NAV2: variants seen among roughly 807,000 people sequenced by gnomAD.
NAV2 encodes neuron navigator 2.
In NAV2, 54 loss-of-function variants were observed where a neutral mutation model predicts 223.2. The observed-to-expected ratio is 0.24, with a 90% CI of 0.19 to 0.30. The LOEUF (loss-of-function observed/expected upper bound fraction) is 0.30, where lower values mean the gene tolerates loss of function less well. Ranked by LOEUF, NAV2 falls within the 10% of genes least tolerant of loss-of-function variation. The pLI is 1.00. For missense variants in NAV2, 2,806 were observed against 3,147.5 expected (o/e 0.89, Z 2.60); for synonymous variants, 1,279 against 1,239.3 (o/e 1.03, Z -0.67).
chr11:19,798,325 CAG>C (rs1199203315), intron 1 of NAV2, among the ~76,000 whole-genome samples: 1 of 152,206 alleles, frequency 6.6e-6, no homozygotes. Context: ...TCTGCCAGTG[CAG>C]AGAGCTTGAA....
At chr11:19,479,984 A>T (rs2042231207) in intron 1 of NAV2, among the ~76,000 whole-genome samples, 1 of 152,172 alleles carries the variant, frequency 6.6e-6, no homozygotes, top group African/African-American at 2.4e-5. Flanking sequence ...AATTGGGGGG[A>T]AAACATAGTC....
chr11:20,084,059 A>G (rs1158694829), intron 26 of NAV2, among the ~76,000 whole-genome samples: 1 of 152,160 alleles, frequency 6.6e-6, no homozygotes, highest in Non-Finnish European at 1.5e-5. Flanking sequence ...GGAAGAGAGG[A>G]AACAGAGGAT....
intron 10 of NAV2, among the ~76,000 whole-genome samples, chr11:19,978,192 C>T (rs536467270): frequency 2.0e-5 from 3 of 151,864 alleles, no homozygotes; most frequent in South Asian, 2.1e-4. Context: ...CATCCTCCTA[C>T]GACCCGGAGT....
intron 22 of NAV2, 68 bp from the exon 23 acceptor site, chr11:20,077,476 TCTTTAAGA>T: frequency 8.6e-7 from 1 of 1,163,786 alleles, no homozygotes; most frequent in African/African-American, 1.5e-5. Flanking sequence ...AGGATTTTCA[TCTTTAAGA>T]GCCAGACACC....
intron 31 of NAV2, among the ~76,000 whole-genome samples, chr11:20,098,169 G>T (rs184231850): frequency 1.3e-5 from 2 of 152,206 alleles, no homozygotes; most frequent in Non-Finnish European, 2.9e-5. Flanking sequence ...TTGTGCCCAC[G>T]CATGATGCTG....
chr11:19,910,183 G>A (rs1440282392), intron 6 of NAV2, among the ~76,000 whole-genome samples: 2 of 152,140 alleles, frequency 1.3e-5, no homozygotes, highest in Non-Finnish European at 2.9e-5. Flanking sequence ...TGCAGCTAAG[G>A]GCCAGTGTTG....
At chr11:19,420,660 C>T (rs545072521) in intron 1 of NAV2, among the ~76,000 whole-genome samples, 4 of 152,150 alleles carry the variant, frequency 2.6e-5, no homozygotes, top group African/African-American at 7.2e-5. Context: ...TCCATACGTA[C>T]GATTTCACTT....
chr11:19,700,106 G>C, intron 1 of NAV2, among the ~76,000 whole-genome samples: 1 of 152,196 alleles, frequency 6.6e-6, no homozygotes, highest in East Asian at 1.9e-4. Flanking sequence ...ACTGTGGCTT[G>C]AATACTTAAT....
At chr11:19,984,019 C>G (rs2050538081) in intron 10 of NAV2, 106 bp from the exon 11 acceptor site, 2 of 1,446,568 alleles carry the variant, frequency 1.4e-6, no homozygotes, top group African/African-American at 2.8e-5. Flanking sequence ...TCCGTTTCTT[C>G]CCCCTTAGAG....
At chr11:19,866,058 A>G (rs888592674) in intron 3 of NAV2, among the ~76,000 whole-genome samples, 2 of 152,250 alleles carry the variant, frequency 1.3e-5, no homozygotes, top group Non-Finnish European at 2.9e-5. Context: ...CACTTTCTGT[A>G]TCACGTAATA....
At chr11:19,918,130 T>G (rs1192260848) in intron 6 of NAV2, among the ~76,000 whole-genome samples, 1 of 152,260 alleles carries the variant, frequency 6.6e-6, no homozygotes, top group African/African-American at 2.4e-5. Context: ...TCAAGCCCAG[T>G]GCACCTCAGT....
At chr11:20,009,775 TC>T (rs1472156660) in intron 11 of NAV2, among the ~76,000 whole-genome samples, 3 of 152,096 alleles carry the variant, frequency 2.0e-5, no homozygotes, top group Non-Finnish European at 2.9e-5. Flanking sequence ...CCCCAAACCA[TC>T]CTTTTTCTTG....
intron 1 of NAV2, among the ~76,000 whole-genome samples, chr11:19,546,109 A>C (rs1181298589): frequency 6.6e-6 from 1 of 152,176 alleles, no homozygotes; most frequent in Non-Finnish European, 1.5e-5. Context: ...AAGCAGAGTC[A>C]TTCTCCAGGA....
chr11:19,442,456 A>C (rs571815378), intron 1 of NAV2, among the ~76,000 whole-genome samples: 1 of 152,322 alleles, frequency 6.6e-6, no homozygotes, highest in East Asian at 1.9e-4. Context: ...AGGTGAAATG[A>C]CTCAACACAG....
At chr11:20,117,853 A>G (rs1469751913) in intron 37 of NAV2, among the ~76,000 whole-genome samples, 2 of 152,194 alleles carry the variant, frequency 1.3e-5, no homozygotes, top group African/African-American at 2.4e-5. Context: ...CAATCCACCC[A>G]TAACATTATA....
chr11:19,406,288 C>A (rs1173881581), intron 1 of NAV2, among the ~76,000 whole-genome samples: 1 of 152,136 alleles, frequency 6.6e-6, no homozygotes, highest in Admixed American at 6.5e-5. Context: ...ACAGGTGGCT[C>A]TATTTTTTCT....
At chr11:19,462,481 CTA>C in intron 1 of NAV2, among the ~76,000 whole-genome samples, 1 of 152,220 alleles carries the variant, frequency 6.6e-6, no homozygotes, top group East Asian at 1.9e-4. Context: ...AAAGAGTAAA[CTA>C]TGCTATGCCC....
chr11:20,068,898 C>T (rs1028245701), intron 22 of NAV2, among the ~76,000 whole-genome samples: 3 of 152,134 alleles, frequency 2.0e-5, no homozygotes, highest in Admixed American at 6.5e-5. Context: ...AGCTATGCCC[C>T]GGGCACTGTG....
chr11:19,455,447 C>G (rs535405857), intron 1 of NAV2, among the ~76,000 whole-genome samples: 1 of 152,200 alleles, frequency 6.6e-6, no homozygotes. Flanking sequence ...CCTGTAAATT[C>G]CATTCATAGT....
Sources: allele counts gnomAD v4.1 joint callset (sites outside exome capture counted in the v4.1 genomes callset), GRCh38; gene constraint gnomAD v4.1.1; transcripts MANE v1.5; gene names NCBI Gene and HGNC (gene_info 2026-07-23, HGNC 2026-07-21).